The following SLC5A10 variants were observed in gnomAD, a reference collection of about 807,000 sequenced individuals.
SLC5A10 encodes sodium/mannose cotransporter SLC5A10.
A neutral mutation model predicts 68.9 loss-of-function variants in SLC5A10; 55 were observed. That is an observed-to-expected ratio of 0.80 (90% CI 0.64 to 1.00). SLC5A10 has a LOEUF of 1.00. SLC5A10 is among the 50% of genes least tolerant of loss of function. SLC5A10 has a pLI of 0.00. For missense variants in SLC5A10, 732 were observed against 819.3 expected (o/e 0.89, Z 1.30); for synonymous variants, 344 against 344.8 (o/e 1.00, Z 0.02).
intron 9 of SLC5A10, among the ~76,000 whole-genome samples, chr17:18,981,707 C>T (rs2152013943): frequency 6.6e-6 from 1 of 152,284 alleles, no homozygotes; most frequent in South Asian, 2.1e-4. Context: ...TAAACCATAG[C>T]CTTTTCATAG....
At chr17:18,992,624 C>T (rs779869233) in intron 9 of SLC5A10, among the ~76,000 whole-genome samples, 5 of 152,226 alleles carry the variant, frequency 3.3e-5, no homozygotes, top group Admixed American at 6.5e-5. Flanking sequence ...AAGGGTGGAG[C>T]GGGCGGAGTC....
chr17:18,978,201 C>T (rs760377189), intron 9 of SLC5A10: 5 of 1,558,890 alleles, frequency 3.2e-6, no homozygotes, highest in Admixed American at 3.6e-5. Flanking sequence ...CCGTTCTCAG[C>T]TGGGACACCG....
intron 9 of SLC5A10, among the ~76,000 whole-genome samples, chr17:19,006,451 C>T (rs1473386524): frequency 6.8e-6 from 1 of 147,160 alleles, no homozygotes; most frequent in Non-Finnish European, 1.5e-5. Flanking sequence ...GTTGCTCAGA[C>T]TGGTCTCAAA....
intron 9 of SLC5A10, among the ~76,000 whole-genome samples, chr17:18,984,616 GT>G (rs1463339001): frequency 1.3e-5 from 2 of 152,228 alleles, no homozygotes; most frequent in Non-Finnish European, 1.5e-5. Context: ...GGTATTTCCA[GT>G]TTGGCTGCAC....
At position 19,015,015 on chromosome 17, in the gene SLC5A10, C is replaced by T. The variant is rs375649961; in HGVS notation, c.1091-34C>T. ...GGGGTTCCCGGGGCTGTCTCAAGGC[C>T]GGACAGGGTCACACATCCCCCGTCC... On this transcript the variant is annotated intron_variant, in intron 10 of 14. Coordinates refer to ENST00000395645, the MANE Select transcript of SLC5A10 (RefSeq NM_001042450.4). 1.6e-5 allele frequency: 25 copies of T among 1,597,082 alleles called. No individual in the cohort carries two copies. The Middle Eastern group carries it at 8.4e-4, about 54-fold the overall frequency.
rs1365730431 is a variant in SLC5A10, at chr17:18,971,286, G to A, written c.846+68G>A. On this transcript the variant is annotated intron_variant, in intron 8 of 14. Coordinates refer to ENST00000395645, the MANE Select transcript of SLC5A10 (RefSeq NM_001042450.4). This position sits in a 1 kb window ranked among gnomAD's most constrained non-coding sequence, Gnocchi z 5.5. ...CCAGTGGGCTCTGGTAGGCCCAGGC[G>A]GCCTGTCTGCCCTCCGCGTCATGAG... 9 of 1,609,880 alleles carry A rather than the reference G, an allele frequency of 5.6e-6. No homozygotes were observed. In the East Asian group the frequency reaches 6.7e-5, roughly 12 times the overall value.
At chr17:18,966,009 A>G (rs1383744768) in intron 5 of SLC5A10, among the ~76,000 whole-genome samples, 1 of 152,222 alleles carries the variant, frequency 6.6e-6, no homozygotes, top group African/African-American at 2.4e-5. Flanking sequence ...GAAAGACATC[A>G]GGGCGCCGTG....
chr17:18,959,856 A>T (rs1381171804), intron 4 of SLC5A10, among the ~76,000 whole-genome samples, 193 bp downstream of exon 4: 1 of 147,376 alleles, frequency 6.8e-6, no homozygotes, highest in Non-Finnish European at 1.5e-5. Flanking sequence ...CAACCTGCTA[A>T]GGTGGATCCC....
rs747562503 is a variant in SLC5A10, at chr17:19,013,425, T to A, written c.998T>A (p.Val333Glu). 6.2e-7 allele frequency: 1 copy of A among 1,607,114 alleles called. No homozygotes were observed. The highest frequency in any genetic ancestry group is 2.3e-5 in the East Asian group (1 of 44,364). ...TCTCGAACAGATGATGTGGGCTGCG[T>A]GGTGCCGTCCGAGTGCCTGCGGGCC... Reference protein sequence around the residue: ...RALFPDDVGCVVPSECLRACG... With the variant: ...RALFPDDVGCEVPSECLRACG... Residue 333 changes from valine (V) to glutamate (E), a missense_variant, in exon 10 of 15, where the codon GTG (valine) becomes GAG (glutamate). Val to Glu is a moderately radical substitution (Grantham distance 121, BLOSUM62 -2). Transcript: ENST00000395645.
intron 9 of SLC5A10, among the ~76,000 whole-genome samples, chr17:19,011,722 C>A (rs145855735): frequency 6.6e-6 from 1 of 151,494 alleles, no homozygotes; most frequent in Non-Finnish European, 1.5e-5. Flanking sequence ...ACCTGGCGTC[C>A]GGGAAGCCTG....
At chr17:18,986,994 T>C (rs2043286974) in intron 9 of SLC5A10, among the ~76,000 whole-genome samples, 1 of 151,972 alleles carries the variant, frequency 6.6e-6, no homozygotes, top group Admixed American at 6.5e-5. Flanking sequence ...GAGACCACAT[T>C]AAAAATGTCC....
intron 5 of SLC5A10, among the ~76,000 whole-genome samples, chr17:18,961,838 G>T (rs987361010): frequency 1.6e-4 from 24 of 152,166 alleles, no homozygotes; most frequent in Admixed American, 1.6e-3. Context: ...GCCTCTATCT[G>T]CACTGGTGTT....
In SLC5A10 at chr17:18,988,178, G is replaced by T. The variant is rs1004052708; in HGVS notation, c.982+11189G>T. On this transcript the variant is annotated intron_variant, in intron 9 of 14. Transcript: ENST00000395645. ...CTCCGTCCAGAGCAGGCAGGTACTC[G>T]AAGTGTTTGTTGACAGACTGAATGA... The T allele has an allele frequency of 8.6e-5, 135 of 1,567,988 alleles. No individual in the cohort carries two copies. The South Asian group carries it at 1.5e-3, about 18-fold the overall frequency.
In SLC5A10 at chr17:19,017,171, A is replaced by G; in HGVS notation, c.1241+1972A>G. On this transcript the variant is annotated intron_variant, in intron 11 of 14. Transcript: ENST00000395645. This position sits in a 1 kb window ranked among gnomAD's most constrained non-coding sequence, Gnocchi z 5.6. ...GGCACAAGGCTGCGTGGTGCAGGGC[A>G]GGTTGCTCACCCTCTCTGGGCCCCA... is the stretch of plus-strand genomic sequence containing the variant. 1 of 878,918 alleles carries G rather than the reference A, an allele frequency of 1.1e-6. No homozygotes were observed. The allele number at this position is 878,918 out of a possible 1,614,324, so 54.4% of individuals were successfully genotyped here.
At chr17:18,960,117 A>G (rs1295415936) in intron 4 of SLC5A10, among the ~76,000 whole-genome samples, 1 of 152,146 alleles carries the variant, frequency 6.6e-6, no homozygotes, top group African/African-American at 2.4e-5. Context: ...AGCCCCAGCC[A>G]TGCAGCCACT....
intron 7 of SLC5A10, chr17:18,970,636 A>T (rs1597832440): frequency 3.5e-6 from 1 of 281,874 alleles, no homozygotes; most frequent in East Asian, 8.7e-5. Context: ...AAGGTCCTCA[A>T]ATGTCAAGAA....
intron 9 of SLC5A10, among the ~76,000 whole-genome samples, chr17:18,997,233 C>G (rs977137802): frequency 6.6e-6 from 1 of 152,262 alleles, no homozygotes; most frequent in East Asian, 1.9e-4. Flanking sequence ...AGGCACTACC[C>G]TGAGTCTCCT....
intron 9 of SLC5A10, among the ~76,000 whole-genome samples, chr17:19,001,517 A>G (rs7211874): frequency 0.15 from 22,546 of 152,264 alleles, 3,403 homozygotes; most frequent in East Asian, 0.4. Flanking sequence ...CTATGGGGCC[A>G]TGTAGACAGA....
At chr17:18,998,658 C>T (rs1043183042) in intron 9 of SLC5A10, among the ~76,000 whole-genome samples, 1 of 152,220 alleles carries the variant, frequency 6.6e-6, no homozygotes, top group Non-Finnish European at 1.5e-5. Context: ...AGGGCTGCTC[C>T]CGGCTCTCCT....
Sources: gnomAD v4.1 joint callset for allele counts (sites outside exome capture counted in the v4.1 genomes callset) on GRCh38, gnomAD v4.1.1 for gene constraint, Gnocchi (gnomAD v3.1) non-coding constraint, MANE v1.5 for transcripts, NCBI Gene and HGNC (gene_info 2026-07-23, HGNC 2026-07-21) for gene names.